DMD: variants seen among roughly 807,000 people sequenced by gnomAD.
DMD encodes the protein mutant dystrophin.
Under a neutral mutation model 330.1 loss-of-function variants are expected in DMD, and 63 were observed. That is an observed-to-expected ratio of 0.19 (90% CI 0.16 to 0.24). The LOEUF (loss-of-function observed/expected upper bound fraction) is 0.24, where lower values mean the gene tolerates loss of function less well. Among genes scored for constraint, DMD ranks in the 10% least tolerant of loss-of-function variants. The probability of loss-of-function intolerance (pLI) is 1.00; values close to 1 mark genes in which losing one functional copy is unlikely to be tolerated. For synonymous variants in DMD, 1,223 were observed against 959.8 expected (o/e 1.27, Z -5.07); for missense variants, 3,344 against 2,684.1 (o/e 1.25, Z -5.43).
chrX:31,667,071 C>CA (rs781626818), intron 53 of DMD, among the ~76,000 whole-genome samples: 5 of 111,561 alleles, frequency 4.5e-5, no homozygotes, highest in Admixed American at 3.8e-4. Context: ...AATTTGAGAA[C>CA]ATTTTATTTG....
At chrX:33,076,752 G>A (rs1205391161) in intron 1 of DMD, among the ~76,000 whole-genome samples, 1 of 111,472 alleles carries the variant, frequency 9.0e-6, no homozygotes, top group Non-Finnish European at 1.9e-5. Context: ...AACTGTGACC[G>A]CCCAAGAGGT....
At position 31,367,289 on chromosome X, in the gene DMD, C is replaced by T. The variant is rs761506017; in HGVS notation, c.9085-18655G>A. ...ATTATGCCCTATGGAAAAATAACGCCTTTTTTTTCATTTATATTGTATAGT... is the reference window on the plus strand; with the variant it reads ...ATTATGCCCTATGGAAAAATAACGCTTTTTTTTTCATTTATATTGTATAGT... On this transcript the variant is annotated intron_variant, in intron 60 of 78. Coordinates refer to ENST00000357033, the MANE Select transcript of DMD (RefSeq NM_004006.3). 9.0e-5 allele frequency among the ~76,000 whole-genome samples: 10 copies of T among 110,890 alleles called. No individual in the cohort carries two copies. The South Asian group carries it at 3.9e-3, about 43-fold the overall frequency.
At chrX:32,302,115 T>A (rs2097525625) in intron 42 of DMD, among the ~76,000 whole-genome samples, 1 of 111,411 alleles carries the variant, frequency 9.0e-6, no homozygotes, top group Middle Eastern at 4.6e-3. Context: ...ATGTTTCTAC[T>A]TAGTGATTTT....
At chrX:32,809,940 A>AG (rs1467794056) in intron 6 of DMD, among the ~76,000 whole-genome samples, 4 of 92,547 alleles carry the variant, frequency 4.3e-5, no homozygotes, top group African/African-American at 1.6e-4. Context: ...AAAAAAAAAA[A>AG]AAAAAAGAAA....
chrX:32,536,264 C>CA (rs1191335690), intron 17 of DMD, among the ~76,000 whole-genome samples: 6,970 of 35,031 alleles, frequency 0.2, 456 homozygotes, highest in East Asian at 0.35. Flanking sequence ...ACTCCGTCTC[C>CA]AAAAAAAAAA....
At chrX:31,147,220 G>C (rs1225568018) in intron 75 of DMD, 55 bp downstream of exon 75, 10 of 1,207,260 alleles carry the variant, frequency 8.3e-6, no homozygotes, top group East Asian at 3.0e-5. Flanking sequence ...CTGAGGTTTA[G>C]TTTTGTTTAA....
intron 30 of DMD, among the ~76,000 whole-genome samples, chrX:32,396,963 A>G (rs980947025): frequency 8.9e-6 from 1 of 111,854 alleles, no homozygotes; most frequent in African/African-American, 3.2e-5. Context: ...GTGAAATAGA[A>G]AAGTAACTTG....
chrX:32,818,788 A>G (rs1298695083), intron 5 of DMD, among the ~76,000 whole-genome samples: 1 of 110,015 alleles, frequency 9.1e-6, no homozygotes, highest in Non-Finnish European at 1.9e-5. Context: ...GAGTCCTGCC[A>G]GCCAATGTCA....
intron 43 of DMD, among the ~76,000 whole-genome samples, chrX:32,270,207 G>T (rs1196583522): frequency 8.9e-6 from 1 of 112,275 alleles, no homozygotes; most frequent in Non-Finnish European, 1.9e-5. Flanking sequence ...TCTCAAGTCA[G>T]TAAATAATAA....
At chrX:32,507,706 A>C (rs2044770375) in intron 18 of DMD, among the ~76,000 whole-genome samples, 1 of 111,752 alleles carries the variant, frequency 8.9e-6, no homozygotes, top group African/African-American at 3.2e-5. Flanking sequence ...AAACAATGCA[A>C]TAGCCACATT....
intron 1 of DMD, among the ~76,000 whole-genome samples, chrX:33,031,097 T>C (rs1016209606): frequency 9.0e-6 from 1 of 111,240 alleles, no homozygotes; most frequent in African/African-American, 3.3e-5. Context: ...AGTTCACCTA[T>C]AACTATAGTG....
intron 54 of DMD, among the ~76,000 whole-genome samples, chrX:31,647,515 G>T (rs757953886): frequency 1.2e-3 from 136 of 111,673 alleles, no homozygotes; most frequent in African/African-American, 4.4e-3. Context: ...CATCTAATTT[G>T]TCCCAGCATG....
In DMD at chrX:33,137,719, A is replaced by C. The variant is rs925992125; in HGVS notation, c.31+73563T>G. ...GCTTGATAAATAATATGCATTCTGC[A>C]GTTGAGGCAAAAAAGAAATGACCCT... On this transcript the variant is annotated intron_variant, in intron 1 of 78. Transcript: ENST00000357033. 7.1e-5 allele frequency among the ~76,000 whole-genome samples: 8 copies of C among 111,927 alleles called. No individual in the cohort carries two copies. In the Admixed American group the frequency reaches 7.6e-4, roughly 11 times the overall value.
chrX:31,202,838 T>C (rs1464729503), intron 67 of DMD, among the ~76,000 whole-genome samples: 2 of 112,567 alleles, frequency 1.8e-5, no homozygotes, highest in Non-Finnish European at 3.7e-5. Flanking sequence ...ACTGATAGCG[T>C]TACAATTAGA....
At chrX:32,943,317 A>G (rs997335933) in intron 2 of DMD, among the ~76,000 whole-genome samples, 2 of 111,805 alleles carry the variant, frequency 1.8e-5, no homozygotes, top group Non-Finnish European at 3.8e-5. Context: ...AAATTCCAAT[A>G]AGAAAAAATG....
At chrX:32,109,233 CTACAA>C (rs938332344) in intron 44 of DMD, among the ~76,000 whole-genome samples, 2 of 110,973 alleles carry the variant, frequency 1.8e-5, no homozygotes, top group Admixed American at 1.9e-4. Flanking sequence ...GAATCAACAG[CTACAA>C]TACAATTTTT....
chrX:31,177,967 G>A lies in DMD; in HGVS notation c.10227C>T (p.Pro3409=), dbSNP rs1256875628. The change falls in exon 71 of 79, where the codon CCC becomes CCT. Residue 3409 remains proline (P), a synonymous_variant. Transcript: ENST00000357033. ...CTGGCCAGAAGTTGATCAGAGTAAC[G>A]GGACTGCAAAACAAAAAATGAGGTG... is the stretch of plus-strand genomic sequence containing the variant. The part of the protein sequence containing the change: ...TVLEGDNMET[P]VTLINFWPVD... 3 of 1,206,616 alleles carry A rather than the reference G, an allele frequency of 2.5e-6. No individual in the cohort carries two copies. Among genetic ancestry groups the A allele is most frequent in the East Asian group, 3.0e-5 (1 of 33,763 alleles).
intron 32 of DMD, among the ~76,000 whole-genome samples, chrX:32,387,228 G>A (rs1052871452): frequency 1.8e-5 from 2 of 110,897 alleles, no homozygotes; most frequent in African/African-American, 6.5e-5. Context: ...TTGGAAGACA[G>A]CTATGTTCAC....
At chrX:32,974,333 T>C (rs1602339127) in intron 2 of DMD, among the ~76,000 whole-genome samples, 3 of 110,918 alleles carry the variant, frequency 2.7e-5, no homozygotes, top group Non-Finnish European at 5.7e-5. Flanking sequence ...ACAGTTTCTT[T>C]TGGGGATGAT....
Sources: gnomAD v4.1 joint callset for allele counts (sites outside exome capture counted in the v4.1 genomes callset) on GRCh38, gnomAD v4.1.1 for gene constraint, MANE v1.5 for transcripts, NCBI Gene and HGNC (gene_info 2026-07-23, HGNC 2026-07-21) for gene names.